Variants in ADCY1 observed in about 807,000 individuals in gnomAD.
ADCY1 encodes the protein adenylate cyclase 1.
A neutral mutation model predicts 105.4 loss-of-function variants in ADCY1; 28 were observed. The observed-to-expected ratio is 0.27, with a 90% CI of 0.20 to 0.36. The LOEUF (loss-of-function observed/expected upper bound fraction) is 0.36, where lower values mean the gene tolerates loss of function less well. Among genes scored for constraint, ADCY1 ranks in the 10% least tolerant of loss-of-function variants. ADCY1 has a pLI of 1.00. For missense variants in ADCY1, 977 were observed against 1,434.2 expected, an observed-to-expected ratio of 0.68 and a Z score of 5.15; for synonymous variants, 655 against 623.8, an observed-to-expected ratio of 1.05 and a Z score of -0.75.
At chr7:45,671,517 A>G (rs751526195) in intron 8 of ADCY1, among the ~76,000 whole-genome samples, 1 of 152,016 alleles carries the variant, frequency 6.6e-6, no homozygotes, top group Admixed American at 6.6e-5. Flanking sequence ...CAGAGTGTCT[A>G]TTTTATATCC....
Position 45,678,160 on chromosome 7 carries a change from A to G in ADCY1, c.1801-6A>G. 6.2e-7 allele frequency: 1 copy of G among 1,614,154 alleles called. No homozygotes were observed. The highest frequency in any genetic ancestry group is 8.5e-7 in the Non-Finnish European group (1 of 1,180,006). On this transcript the variant is annotated splice_region_variant and splice_polypyrimidine_tract_variant and intron_variant, in intron 9 of 19. Transcript: ENST00000297323. ...GCCCTGATGGATTGACTTCTCTCTT[A>G]CACAGTACCACCAGCTTCAGGACGA...
intron 8 of ADCY1, among the ~76,000 whole-genome samples, chr7:45,665,104 A>G (rs1053699300): frequency 6.6e-6 from 1 of 152,238 alleles, no homozygotes; most frequent in Non-Finnish European, 1.5e-5. Context: ...TGCAAAGGAC[A>G]TGAACTCATT....
At chr7:45,676,837 AT>A (rs58708149) in intron 8 of ADCY1, among the ~76,000 whole-genome samples, 8,496 of 131,050 alleles carry the variant, frequency 0.065, 538 homozygotes, top group African/African-American at 0.17. Context: ...GGGGCCACAG[AT>A]TTTTTTTTTT....
intron 3 of ADCY1, among the ~76,000 whole-genome samples, chr7:45,610,932 G>T (rs1433749099): frequency 6.6e-6 from 1 of 152,036 alleles, no homozygotes; most frequent in African/African-American, 2.4e-5. Flanking sequence ...AGGTGATTTT[G>T]GAGGTGAGGA....
chr7:45,684,119 G>A (rs1784619269), intron 11 of ADCY1, among the ~76,000 whole-genome samples: 1 of 152,262 alleles, frequency 6.6e-6, no homozygotes, highest in Non-Finnish European at 1.5e-5. Flanking sequence ...GTTCTTCTGA[G>A]ATCAGCAGAG....
Position 45,715,327 on chromosome 7 carries a change from G to A in ADCY1, c.*1332G>A, listed in dbSNP as rs1199381326. 3 of 152,346 alleles carry A rather than the reference G, an allele frequency of 2.0e-5. No individual in the cohort carries two copies. Among genetic ancestry groups the A allele is most frequent in the Admixed American group, 1.3e-4 (2 of 15,292 alleles). The allele number at this position is 152,346 out of a possible 1,614,324, so 9.4% of individuals were successfully genotyped here. A position where few individuals can be genotyped will look rare whatever the true frequency, so the allele number is the denominator to read the frequency against. On this transcript the variant is annotated 3_prime_UTR_variant, in exon 20 of 20. Transcript: ENST00000297323. ...TGGGTAGGCACCATAGTAGGGGAAT[G>A]TCTAAAGACCCACTGCTCTGAGATG...
At chr7:45,673,328 T>C (rs1339740266) in intron 8 of ADCY1, among the ~76,000 whole-genome samples, 1 of 152,200 alleles carries the variant, frequency 6.6e-6, no homozygotes. Flanking sequence ...TCCTCTTCTA[T>C]TTTCTGGAAG....
chr7:45,606,132 A>G (rs1793366105), intron 2 of ADCY1, among the ~76,000 whole-genome samples: 1 of 152,050 alleles, frequency 6.6e-6, no homozygotes, highest in Admixed American at 6.6e-5. Context: ...CGCTAATAGT[A>G]CCTGGCTTGG....
chr7:45,721,685 T>G lies in ADCY1; in HGVS notation c.*7690T>G. Reference sequence around the variant, plus strand: ...CTGGTGAGGTAAAGGTGGGTCCGGGTGCCTTCCCAGGGGTTAGAGGATGTT... The same window carrying G: ...CTGGTGAGGTAAAGGTGGGTCCGGGGGCCTTCCCAGGGGTTAGAGGATGTT... On this transcript the variant is annotated 3_prime_UTR_variant, in exon 20 of 20. Coordinates refer to ENST00000297323, the MANE Select transcript of ADCY1 (RefSeq NM_021116.4). 1 of 398,578 alleles carries G rather than the reference T, an allele frequency of 2.5e-6. No homozygotes were observed. The highest frequency in any genetic ancestry group is 4.4e-6 in the Non-Finnish European group (1 of 226,118). 24.7% of individuals were successfully genotyped at this position (398,578 alleles called of 1,614,324 possible). A position where few individuals can be genotyped will look rare whatever the true frequency, so the allele number is the denominator to read the frequency against.
rs141460859 is a variant in ADCY1 at position 45,718,344 on chromosome 7, C to A, written c.*4349C>A. 6.6e-6 allele frequency: 1 copy of A among 152,314 alleles called. No individual in the cohort carries two copies. The highest frequency in any genetic ancestry group is 2.4e-5 in the African/African-American group (1 of 41,544). 9.4% of individuals were successfully genotyped at this position (152,314 alleles called of 1,614,324 possible). ...AGGCCATTTTAAGGAAATGGTGGCACTCTGAAGGCTGTCCCCATTCACCTT... is the reference window on the plus strand; with the variant it reads ...AGGCCATTTTAAGGAAATGGTGGCAATCTGAAGGCTGTCCCCATTCACCTT... On this transcript the variant is annotated 3_prime_UTR_variant, in exon 20 of 20. Transcript: ENST00000297323.
At chr7:45,580,250 A>C (rs1792490923) in intron 1 of ADCY1, among the ~76,000 whole-genome samples, 1 of 152,200 alleles carries the variant, frequency 6.6e-6, no homozygotes, top group Non-Finnish European at 1.5e-5. Flanking sequence ...TGTGCCCAGC[A>C]GGGGCTGCAC....
intron 11 of ADCY1, among the ~76,000 whole-genome samples, chr7:45,681,014 C>A (rs1248133684): frequency 6.6e-6 from 1 of 152,248 alleles, no homozygotes; most frequent in Non-Finnish European, 1.5e-5. Flanking sequence ...ACGAGAGCCT[C>A]CCAAGCCAGG....
intron 1 of ADCY1, among the ~76,000 whole-genome samples, chr7:45,580,396 GC>G (rs1562670890): frequency 1.3e-5 from 2 of 152,206 alleles, no homozygotes; most frequent in African/African-American, 4.8e-5. Context: ...AGCTGCCGGG[GC>G]CTCCCTGCCT....
At chr7:45,583,862 A>G (rs939101491) in intron 1 of ADCY1, among the ~76,000 whole-genome samples, 6 of 146,766 alleles carry the variant, frequency 4.1e-5, no homozygotes, top group East Asian at 2.0e-4. Flanking sequence ...CTGGTCTCGA[A>G]CTCCTGACCT....
intron 4 of ADCY1, among the ~76,000 whole-genome samples, chr7:45,639,777 G>C (rs1054754577): frequency 2.6e-5 from 4 of 152,188 alleles, no homozygotes; most frequent in Non-Finnish European, 4.4e-5. Flanking sequence ...CAGTGCAAGA[G>C]TAGACTGGTC....
In ADCY1 at chr7:45,574,830, C is replaced by T. The variant is rs1792283391; in HGVS notation, c.287C>T (p.Pro96Leu). The change falls in exon 1 of 20, where the codon CCG becomes CTG. Residue 96 changes from proline (P) to leucine (L), a missense_variant. Pro to Leu is a moderately conservative substitution (Grantham distance 98). Coordinates refer to ENST00000297323, the MANE Select transcript of ADCY1 (RefSeq NM_021116.4). This position sits in a 1 kb window ranked among gnomAD's most constrained non-coding sequence, Gnocchi z 7.0. ...CCCGGCCTGGCCAAGGGCTCACACC[C>T]GGTGCACTGCGTCCTCTTCCTGGCG... is the stretch of plus-strand genomic sequence containing the variant. ...PAPGLAKGSH[P>L]VHCVLFLALL... 2 of 1,610,026 alleles carry T rather than the reference C, an allele frequency of 1.2e-6. No homozygotes were observed. The highest frequency in any genetic ancestry group is 1.7e-6 in the Non-Finnish European group (2 of 1,179,430).
chr7:45,594,430 C>T (rs954576001), intron 2 of ADCY1, among the ~76,000 whole-genome samples: 3 of 152,198 alleles, frequency 2.0e-5, no homozygotes, highest in African/African-American at 4.8e-5. Flanking sequence ...AAGCCCTGTT[C>T]TCCCCTTAAC....
intron 14 of ADCY1, among the ~76,000 whole-genome samples, chr7:45,700,468 G>A (rs1436315548): frequency 6.6e-6 from 1 of 152,168 alleles, no homozygotes; most frequent in Non-Finnish European, 1.5e-5. Context: ...GCTGTGCTTG[G>A]AGAAGTTCCT....
chr7:45,655,894 A>G (rs1453061720), intron 5 of ADCY1, among the ~76,000 whole-genome samples: 2 of 152,194 alleles, frequency 1.3e-5, no homozygotes, highest in African/African-American at 4.8e-5. Context: ...TCCCGTACTC[A>G]TTTCCTTTTG....
Sources: gnomAD v4.1 joint callset for allele counts (sites outside exome capture counted in the v4.1 genomes callset) on GRCh38, gnomAD v4.1.1 for gene constraint, Gnocchi (gnomAD v3.1) non-coding constraint, MANE v1.5 for transcripts, NCBI Gene and HGNC (gene_info 2026-07-23, HGNC 2026-07-21) for gene names.